Variants in KANK1 observed in about 807,000 individuals in gnomAD.
The protein encoded by KANK1 is KN motif and ankyrin repeat domains 1, also known as KN motif and ankyrin repeat domain-containing protein 1.
KANK1 carries 109 observed loss-of-function variants against 106.2 expected under a neutral mutation model. The ratio of observed to expected loss-of-function variants is 1.03; its 90% CI spans 0.88 to 1.20. KANK1 has a LOEUF of 1.20. KANK1 is among the 50% of genes most tolerant of loss of function. The pLI is 0.00. For synonymous variants in KANK1, 873 were observed against 652.2 expected, an observed-to-expected ratio of 1.34 and a Z score of -5.16; for missense variants, 2,399 against 1,710.7, an observed-to-expected ratio of 1.40 and a Z score of -7.10.
At chr9:586,808 CAA>C (rs1490657790) in intron 1 of KANK1, among the ~76,000 whole-genome samples, 1 of 152,090 alleles carries the variant, frequency 6.6e-6, no homozygotes, top group African/African-American at 2.4e-5. Flanking sequence ...TTACCTAAAG[CAA>C]AAGGGACTCT....
At chr9:672,540 C>CATTACCATCAAT (rs1453330722) in intron 1 of KANK1, among the ~76,000 whole-genome samples, 5 of 129,046 alleles carry the variant, frequency 3.9e-5, no homozygotes, top group African/African-American at 7.7e-5. Context: ...CTGCCATCAA[C>CATTACCATCAAT]ATTACCATCA....
chr9:482,291 A>G (rs1027617992), intron 3 of KANK1, among the ~76,000 whole-genome samples: 3 of 152,226 alleles, frequency 2.0e-5, no homozygotes, highest in Non-Finnish European at 2.9e-5. Flanking sequence ...GTGTAATCCT[A>G]AGCACTTAAT....
chr9:485,978 C>A (rs1260783093), intron 3 of KANK1, among the ~76,000 whole-genome samples: 1 of 152,078 alleles, frequency 6.6e-6, no homozygotes, highest in Admixed American at 6.6e-5. Context: ...GTCAGAGCTT[C>A]CCCTAGACTT....
At chr9:603,536 C>G (rs1828306587) in intron 1 of KANK1, among the ~76,000 whole-genome samples, 1 of 151,816 alleles carries the variant, frequency 6.6e-6, no homozygotes, top group African/African-American at 2.4e-5. Flanking sequence ...TTCAGTAATT[C>G]TTACTCTTAA....
intron 1 of KANK1, among the ~76,000 whole-genome samples, chr9:617,365 G>A (rs938488131): frequency 1.6e-4 from 25 of 152,148 alleles, no homozygotes; most frequent in Non-Finnish European, 2.6e-4. Flanking sequence ...TTGGGGAGGA[G>A]GGGGGTTGTG....
chr9:550,971 G>A lies in KANK1; in HGVS notation c.-84+46217G>A, dbSNP rs574348530. On this transcript the variant is annotated intron_variant, in intron 1 of 11. Transcript: ENST00000382297. ...AGCCCTCTTTCTGCTGTATCTTTGT[G>A]CCTCACATCTTGAGAGAAGTTGAGT... Among the ~76,000 whole-genome samples the A allele has an allele frequency of 2.6e-5, 4 of 152,082 alleles. No homozygotes were observed. In the East Asian group the frequency reaches 7.8e-4, roughly 29 times the overall value.
At chr9:562,651 G>A (rs1331732320) in intron 1 of KANK1, among the ~76,000 whole-genome samples, 1 of 152,182 alleles carries the variant, frequency 6.6e-6, no homozygotes, top group Non-Finnish European at 1.5e-5. Context: ...GAGTTACAGT[G>A]AGGATTTCCT....
At chr9:742,592 C>T (rs907625936) in intron 10 of KANK1, among the ~76,000 whole-genome samples, 187 bp downstream of exon 10, 6 of 152,280 alleles carry the variant, frequency 3.9e-5, no homozygotes, top group East Asian at 1.9e-4. Flanking sequence ...CAAACTAACA[C>T]GCTCATAAAC....
intron 3 of KANK1, among the ~76,000 whole-genome samples, chr9:483,888 G>A (rs2058248520): frequency 1.3e-5 from 2 of 152,040 alleles, no homozygotes; most frequent in African/African-American, 4.8e-5. Flanking sequence ...AGCTATCAGG[G>A]CTATTTAAAA....
chr9:719,704 T>A lies in KANK1; in HGVS notation c.2698+6240T>A, dbSNP rs1452306139. The stretch of plus-strand genomic sequence containing the variant: ...AAATGTTACACAGAAGACTGGAGAA[T>A]TGATCTCTTTAAAACCCATTCAGCT... On this transcript the variant is annotated intron_variant, in intron 3 of 11. Coordinates refer to ENST00000382297, the MANE Select transcript of KANK1 (RefSeq NM_015158.5). 5.3e-5 allele frequency among the ~76,000 whole-genome samples: 8 copies of A among 152,292 alleles called. 1 individual carries two copies. In the East Asian group the frequency reaches 1.5e-3, roughly 29 times the overall value.
intron 3 of KANK1, among the ~76,000 whole-genome samples, chr9:718,271 A>G (rs1218245805): frequency 7.3e-6 from 1 of 137,742 alleles, no homozygotes; most frequent in East Asian, 2.2e-4. Flanking sequence ...GACCTCTCAT[A>G]CTGGCTGTGT....
At chr9:514,016 C>G in intron 1 of KANK1, among the ~76,000 whole-genome samples, 1 of 151,648 alleles carries the variant, frequency 6.6e-6, no homozygotes, top group African/African-American at 2.4e-5. Flanking sequence ...GACTCCGTCT[C>G]GAACAAAAGT....
chr9:511,999 G>C (rs2059049270), intron 1 of KANK1, among the ~76,000 whole-genome samples: 1 of 150,290 alleles, frequency 6.7e-6, no homozygotes. Flanking sequence ...TGGTCCACTG[G>C]CTCCAAAAAG....
chr9:601,619 G>A (rs1375319806), intron 1 of KANK1, among the ~76,000 whole-genome samples: 1 of 151,694 alleles, frequency 6.6e-6, no homozygotes, highest in African/African-American at 2.4e-5. Flanking sequence ...CTATTCGTGT[G>A]GACTCATCAT....
intron 1 of KANK1, among the ~76,000 whole-genome samples, chr9:671,277 T>A (rs189047492): frequency 6.6e-6 from 1 of 152,100 alleles, no homozygotes; most frequent in African/African-American, 2.4e-5. Flanking sequence ...TTTGATTTTT[T>A]GAAACAGTTG....
At chr9:564,837 T>C (rs2134547956) in intron 1 of KANK1, among the ~76,000 whole-genome samples, 1 of 152,374 alleles carries the variant, frequency 6.6e-6, no homozygotes, top group African/African-American at 2.4e-5. Context: ...TCAACTCATG[T>C]GAGTCTCATT....
chr9:694,046 G>A (rs1328715514), intron 2 of KANK1, among the ~76,000 whole-genome samples: 2 of 152,104 alleles, frequency 1.3e-5, no homozygotes, highest in South Asian at 2.1e-4. Context: ...TGAGTTTAAG[G>A]TTTAGTTCAA....
intron 2 of KANK1, among the ~76,000 whole-genome samples, chr9:705,251 C>T (rs1172153835): frequency 1.3e-5 from 2 of 151,984 alleles, no homozygotes; most frequent in East Asian, 1.9e-4. Context: ...TTTGGGAGGC[C>T]GAGGCAGGCA....
At chr9:549,031 G>A (rs981185321) in intron 1 of KANK1, 2 of 151,924 alleles carry the variant, frequency 1.3e-5, no homozygotes, top group African/African-American at 2.4e-5. Flanking sequence ...GGTCATGTAA[G>A]GTTACCTTTT....
Sources: gnomAD v4.1 joint callset for allele counts (sites outside exome capture counted in the v4.1 genomes callset) on GRCh38, gnomAD v4.1.1 for gene constraint, MANE v1.5 for transcripts, NCBI Gene and HGNC (gene_info 2026-07-23, HGNC 2026-07-21) for gene names.